TMEM120B: variants seen among roughly 807,000 people sequenced by gnomAD.
TMEM120B encodes transmembrane protein 120B.
TMEM120B carries 31 observed loss-of-function variants against 55.5 expected under a neutral mutation model. That is an observed-to-expected ratio of 0.56 (90% confidence interval 0.42 to 0.75). The LOEUF (loss-of-function observed/expected upper bound fraction) is 0.75, where lower values mean the gene tolerates loss of function less well. Among genes scored for constraint, TMEM120B ranks in the 30% least tolerant of loss-of-function variants. TMEM120B has a pLI of 0.00. For missense variants in TMEM120B, 399 were observed against 425.5 expected (o/e 0.94, Z 0.55); for synonymous variants, 203 against 176.3 (o/e 1.15, Z -1.20).
At chr12:121,714,557 C>CTTTT (rs897759057) in intron 1 of TMEM120B, among the ~76,000 whole-genome samples, 47 of 100,188 alleles carry the variant, frequency 4.7e-4, no homozygotes, top group Middle Eastern at 8.5e-3. Flanking sequence ...TCAGCCACTT[C>CTTTT]TTTTTTTTTT....
chr12:121,748,459 TC>T lies in TMEM120B; in HGVS notation c.305+21del. 2 of 1,561,902 alleles carry T rather than the reference TC, an allele frequency of 1.3e-6. No individual in the cohort carries two copies. Among genetic ancestry groups the T allele is most frequent in the Non-Finnish European group, 1.8e-6 (2 of 1,137,412 alleles). ...GAAGAACGGGTAGGAGCTGGCAACC[TC>T]CCCACCCCTAGCACAGGCCCATGCC... On this transcript the variant is annotated intron_variant, in intron 3 of 11. Transcript: ENST00000449592.
rs1055682324 is a variant in TMEM120B at position 121,779,916 on chromosome 12, G to A, written c.*4194G>A. On this transcript the variant is annotated 3_prime_UTR_variant, in exon 12 of 12. Transcript: ENST00000449592. ...CTCTCTCCAGCTCCGGGCAGGGAGG[G>A]GCTGAATCCTGAGACCCGGGGTTGG... 6 of 473,152 alleles carry A rather than the reference G, an allele frequency of 1.3e-5. No individual in the cohort carries two copies. The Admixed American group carries it at 1.7e-4, about 13-fold the overall frequency. 29.3% of individuals were successfully genotyped at this position (473,152 alleles called of 1,614,324 possible).
chr12:121,781,263 GGGGCCAGGCAAGTGACCCTGCCTTA>G lies in TMEM120B; in HGVS notation c.*5547_*5571del. The G allele has an allele frequency of 7.0e-7, 1 of 1,426,428 alleles. No individual in the cohort carries two copies. Among genetic ancestry groups the G allele is most frequent in the Non-Finnish European group, 9.8e-7 (1 of 1,019,926 alleles). The allele number at this position is 1,426,428 out of a possible 1,614,324, so 88.4% of individuals were successfully genotyped here. A position where few individuals can be genotyped will look rare whatever the true frequency, so the allele number is the denominator to read the frequency against. On this transcript the variant is annotated 3_prime_UTR_variant, in exon 12 of 12. Coordinates refer to ENST00000449592, the MANE Select transcript of TMEM120B (RefSeq NM_001080825.2). Reference sequence around the variant, plus strand: ...CTGGACTCTGACGGGTGAAGGGGAAGGGGCCAGGCAAGTGACCCTGCCTTAGGGCCTCAATTTCCTCATCTATACA... The same window carrying G: ...CTGGACTCTGACGGGTGAAGGGGAAGGGGCCTCAATTTCCTCATCTATACA...
intron 2 of TMEM120B, among the ~76,000 whole-genome samples, chr12:121,744,256 A>G (rs1873018696): frequency 6.6e-6 from 1 of 152,056 alleles, no homozygotes; most frequent in African/African-American, 2.4e-5. Flanking sequence ...TTCAGCCGAC[A>G]TTCTGGGTTC....
chr12:121,779,622 AGGT>A lies in TMEM120B; in HGVS notation c.*3901_*3903del, dbSNP rs1302139504. 1.2e-6 allele frequency: 2 copies of A among 1,614,190 alleles called. No individual in the cohort carries two copies. The highest frequency in any genetic ancestry group is 1.7e-6 in the Non-Finnish European group (2 of 1,180,004). On this transcript the variant is annotated 3_prime_UTR_variant, in exon 12 of 12. Coordinates refer to ENST00000449592, the MANE Select transcript of TMEM120B (RefSeq NM_001080825.2). ...CTCCCGAAACTTGGCGGAACATTCC[AGGT>A]AGAGAGCAGCTCGGATCTGTTCGCA...
chr12:121,750,524 C>A (rs1346911629), intron 4 of TMEM120B, 85 bp downstream of exon 4: 7 of 1,024,824 alleles, frequency 6.8e-6, no homozygotes, highest in Non-Finnish European at 1.0e-5. Flanking sequence ...ACACTGAGAA[C>A]CCACACCCCA....
In TMEM120B at chr12:121,779,453, C is replaced by T. The variant is rs551464295; in HGVS notation, c.*3731C>T. 15 of 1,593,522 alleles carry T rather than the reference C, an allele frequency of 9.4e-6. No homozygotes were observed. Among genetic ancestry groups the T allele is most frequent in the Admixed American group, 1.7e-5 (1 of 58,974 alleles). On this transcript the variant is annotated 3_prime_UTR_variant, in exon 12 of 12. Coordinates refer to ENST00000449592, the MANE Select transcript of TMEM120B (RefSeq NM_001080825.2). Reference sequence around the variant, plus strand: ...CTCCCTGGTGCAATCGGCACCTGGGCCCCCGGGCCCTGTCAGTGCTGTCGT... The same window carrying T: ...CTCCCTGGTGCAATCGGCACCTGGGTCCCCGGGCCCTGTCAGTGCTGTCGT...
intron 5 of TMEM120B, among the ~76,000 whole-genome samples, chr12:121,756,975 A>G (rs1179613430): frequency 6.6e-6 from 1 of 152,098 alleles, no homozygotes; most frequent in Non-Finnish European, 1.5e-5. Context: ...CTAGCTGAGG[A>G]CGGTGCCTGA....
intron 6 of TMEM120B, among the ~76,000 whole-genome samples, chr12:121,768,222 C>T (rs2137347729): frequency 6.6e-6 from 1 of 152,330 alleles, no homozygotes; most frequent in South Asian, 2.1e-4. Flanking sequence ...AATCTCCTGT[C>T]ACCTCTGCGC....
In TMEM120B at chr12:121,750,431, C is replaced by A. The variant is rs1566516925; in HGVS notation, c.357C>A (p.Asn119Lys). The change falls in exon 4 of 12, where the codon AAC (asparagine) becomes AAA (lysine). Residue 119 changes from asparagine (N) to lysine (K), a missense_variant. By Grantham distance (94) the Asn-to-Lys change is moderately conservative. This residue lies in a region of TMEM120B where 260 missense variants were observed against 303.9 expected (regional missense o/e 0.86). Transcript: ENST00000449592. ...LGNVNVTLLS[N>K]QAKFAYKDEY... ...ATGTGAACGTGACCCTCCTCAGCAA[C>A]CAGGCCAAGTAAGTGTCCCCCACCC... 1 of 1,612,268 alleles carries A rather than the reference C, an allele frequency of 6.2e-7. No individual in the cohort carries two copies. Among genetic ancestry groups the A allele is most frequent in the Non-Finnish European group, 8.5e-7 (1 of 1,179,110 alleles).
chr12:121,771,492 A>C lies in TMEM120B; in HGVS notation c.622A>C (p.Asn208His). The change falls in exon 8 of 12, where the codon AAT becomes CAT. Residue 208 changes from asparagine (N) to histidine (H), a missense_variant. Transcript: ENST00000449592. ...TTTTTCCTACCTTCTCTCCAGGCCT[A>C]ATGGACCCATTTATCAGAAGTTTCG... ...FLSGVMLTWPNGPIYQKFRNQ... is the reference protein window; with the variant it reads ...FLSGVMLTWPHGPIYQKFRNQ... 6.2e-7 allele frequency: 1 copy of C among 1,613,870 alleles called. No homozygotes were observed. The highest frequency in any genetic ancestry group is 8.5e-7 in the Non-Finnish European group (1 of 1,179,856).
intron 1 of TMEM120B, among the ~76,000 whole-genome samples, chr12:121,719,227 C>A (rs533247139): frequency 5.3e-5 from 8 of 151,502 alleles, no homozygotes; most frequent in Non-Finnish European, 7.4e-5. Flanking sequence ...GAAGGAAAAT[C>A]AAAAAGCTGG....
chr12:121,728,476 G>A (rs1894938585), intron 1 of TMEM120B, among the ~76,000 whole-genome samples: 1 of 149,948 alleles, frequency 6.7e-6, no homozygotes, highest in African/African-American at 2.5e-5. Context: ...GCGACAGAGC[G>A]AGACTCCGTC....
rs757394471 is a variant in TMEM120B at position 121,761,753 on chromosome 12, G to T, written c.551+15G>T. 3 of 1,605,608 alleles carry T rather than the reference G, an allele frequency of 1.9e-6. No homozygotes were observed. The South Asian group carries it at 3.3e-5, about 18-fold the overall frequency. ...AACGGCTCAAGGTACCTGGGCACCTGGCTTTGTGGGGAGCACAAGAGGAGT... is the reference window on the plus strand; with the variant it reads ...AACGGCTCAAGGTACCTGGGCACCTTGCTTTGTGGGGAGCACAAGAGGAGT... On this transcript the variant is annotated intron_variant, in intron 6 of 11. Transcript: ENST00000449592.
intron 1 of TMEM120B, among the ~76,000 whole-genome samples, chr12:121,713,703 C>T (rs1307397870): frequency 1.3e-5 from 2 of 152,138 alleles, no homozygotes; most frequent in Non-Finnish European, 2.9e-5. Context: ...GCGGTCCTGG[C>T]AGCAGTTGTT....
At chr12:121,726,778 G>A (rs1894903585) in intron 1 of TMEM120B, among the ~76,000 whole-genome samples, 1 of 151,296 alleles carries the variant, frequency 6.6e-6, no homozygotes, top group Non-Finnish European at 1.5e-5. Flanking sequence ...ATGGAGGTAC[G>A]TGCCTGTAAT....
intron 5 of TMEM120B, among the ~76,000 whole-genome samples, chr12:121,761,417 C>T (rs976711437): frequency 3.9e-5 from 6 of 152,244 alleles, no homozygotes; most frequent in South Asian, 2.1e-4. Flanking sequence ...GAGCTTGAAG[C>T]GCAGGTGGGA....
At chr12:121,727,092 C>A (rs1275500732) in intron 1 of TMEM120B, among the ~76,000 whole-genome samples, 1 of 151,764 alleles carries the variant, frequency 6.6e-6, no homozygotes, top group Non-Finnish European at 1.5e-5. Context: ...TAGATACATA[C>A]AAATAATTTT....
rs963596736 is a variant in TMEM120B, at chr12:121,746,907, G to C, written c.189-1419G>C. Among the ~76,000 whole-genome samples, 8 of 151,656 alleles carry C rather than the reference G, an allele frequency of 5.3e-5. 1 individual carries two copies. The highest frequency in any genetic ancestry group is 5.2e-4 in the Admixed American group (8 of 15,244). On this transcript the variant is annotated intron_variant, in intron 2 of 11. Coordinates refer to ENST00000449592, the MANE Select transcript of TMEM120B (RefSeq NM_001080825.2). Reference sequence around the variant, plus strand: ...CAGGAGGCGGAGCTTGCAGCGAGCCGAGATGGCGCCACTGCACTCCAGCCT... The same window carrying C: ...CAGGAGGCGGAGCTTGCAGCGAGCCCAGATGGCGCCACTGCACTCCAGCCT...
Sources: gnomAD v4.1 joint callset for allele counts (sites outside exome capture counted in the v4.1 genomes callset) on GRCh38, gnomAD v4.1.1 for gene constraint, gnomAD v4.1.1 regional missense constraint, MANE v1.5 for transcripts, NCBI Gene and HGNC (gene_info 2026-07-23, HGNC 2026-07-21) for gene names.